Variants in PXDNL observed in about 807,000 individuals in gnomAD.
PXDNL encodes peroxidasin like, also known as probable oxidoreductase PXDNL.
Under a neutral mutation model 150.8 loss-of-function variants are expected in PXDNL, and 145 were observed. The ratio of observed to expected loss-of-function variants is 0.96; its 90% CI spans 0.84 to 1.10. The LOEUF is 1.10. Among genes scored for constraint, PXDNL ranks in the 50% least tolerant of loss-of-function variants. PXDNL has a pLI of 0.00. For missense variants in PXDNL, 2,087 were observed against 1,873.9 expected (o/e 1.11, Z -2.10); for synonymous variants, 757 against 725.7 (o/e 1.04, Z -0.69).
chr8:51,648,826 T>C (rs527874016), intron 2 of PXDNL, among the ~76,000 whole-genome samples: 179 of 152,346 alleles, frequency 1.2e-3, no homozygotes, highest in Non-Finnish European at 2.0e-3. Context: ...AAAGCTATCA[T>C]TATGTTTATA....
chr8:51,445,657 G>A (rs1809656371), intron 12 of PXDNL, among the ~76,000 whole-genome samples: 1 of 152,172 alleles, frequency 6.6e-6, no homozygotes. Context: ...TTTGGCAACA[G>A]GGAAAAATCA....
chr8:51,568,212 C>T (rs1812864819), intron 3 of PXDNL, among the ~76,000 whole-genome samples: 1 of 151,702 alleles, frequency 6.6e-6, no homozygotes, highest in Non-Finnish European at 1.5e-5. Context: ...TATTGCTCCA[C>T]CTTCCTTTGT....
chr8:51,630,069 G>A (rs1229891438), intron 2 of PXDNL, among the ~76,000 whole-genome samples: 1 of 151,966 alleles, frequency 6.6e-6, no homozygotes, highest in African/African-American at 2.4e-5. Flanking sequence ...AAAACAACAT[G>A]GTACTGGTAC....
At chr8:51,335,353 A>T (rs1396401283) in intron 21 of PXDNL, among the ~76,000 whole-genome samples, 6 of 152,162 alleles carry the variant, frequency 3.9e-5, no homozygotes, top group Admixed American at 3.9e-4. Flanking sequence ...CTGATATAAG[A>T]TTTGGAAGGA....
At chr8:51,323,383 G>C (rs1216118323) in intron 21 of PXDNL, among the ~76,000 whole-genome samples, 1 of 152,078 alleles carries the variant, frequency 6.6e-6, no homozygotes, top group Non-Finnish European at 1.5e-5. Context: ...GGGCTTAAGT[G>C]ATCATCCCTC....
chr8:51,323,925 T>TAAAAA (rs1235257447), intron 21 of PXDNL, among the ~76,000 whole-genome samples: 1 of 71,714 alleles, frequency 1.4e-5, no homozygotes, highest in Non-Finnish European at 2.7e-5. Flanking sequence ...TCAAAAAAAA[T>TAAAAA]AAAATAAAAT....
intron 8 of PXDNL, among the ~76,000 whole-genome samples, chr8:51,462,871 A>G (rs1810114699): frequency 6.6e-6 from 1 of 152,138 alleles, no homozygotes; most frequent in Non-Finnish European, 1.5e-5. Context: ...CAACATGAAA[A>G]AAAAACCTAA....
chr8:51,597,177 T>C (rs919685153), intron 2 of PXDNL, among the ~76,000 whole-genome samples: 4 of 152,178 alleles, frequency 2.6e-5, no homozygotes, highest in Non-Finnish European at 5.9e-5. Context: ...TCCCCATTGC[T>C]TGTTTATGTC....
intron 19 of PXDNL, among the ~76,000 whole-genome samples, chr8:51,351,662 C>A (rs1312763898): frequency 6.6e-6 from 1 of 152,140 alleles, no homozygotes; most frequent in East Asian, 1.9e-4. Context: ...TGCAGGACTC[C>A]TGGCACAGGT....
intron 8 of PXDNL, among the ~76,000 whole-genome samples, chr8:51,461,690 C>T (rs1940119175): frequency 6.6e-6 from 1 of 152,236 alleles, no homozygotes; most frequent in African/African-American, 2.4e-5. Flanking sequence ...TATCCTTTGG[C>T]TCGGGTTTCC....
chr8:51,657,273 A>G (rs1815171001), intron 1 of PXDNL, among the ~76,000 whole-genome samples: 1 of 152,240 alleles, frequency 6.6e-6, no homozygotes. Context: ...CACCATTGTA[A>G]GTCAACAACT....
intron 2 of PXDNL, among the ~76,000 whole-genome samples, chr8:51,614,642 A>T (rs906200673): frequency 1.3e-5 from 2 of 152,198 alleles, no homozygotes; most frequent in Non-Finnish European, 2.9e-5. Context: ...TATTATAGAG[A>T]TCAACTTATA....
chr8:51,534,906 G>C (rs1332228412), intron 4 of PXDNL, among the ~76,000 whole-genome samples: 6 of 103,806 alleles, frequency 5.8e-5, no homozygotes, highest in Non-Finnish European at 8.8e-5. Flanking sequence ...GCCTCTGCCC[G>C]GCCGCCCCTA....
At chr8:51,630,307 T>C (rs1814463148) in intron 2 of PXDNL, among the ~76,000 whole-genome samples, 1 of 152,084 alleles carries the variant, frequency 6.6e-6, no homozygotes, top group South Asian at 2.1e-4. Flanking sequence ...AACACTGAAA[T>C]GTAACATGTA....
At chr8:51,340,079 C>T (rs545984153) in intron 20 of PXDNL, 195 of 163,664 alleles carry the variant, frequency 1.2e-3, no homozygotes, top group African/African-American at 4.4e-3. Flanking sequence ...CTTTTGCTAA[C>T]GAATTCTTCA....
intron 1 of PXDNL, among the ~76,000 whole-genome samples, chr8:51,687,088 G>A (rs1052441252): frequency 3.3e-5 from 5 of 152,132 alleles, no homozygotes; most frequent in African/African-American, 1.2e-4. Flanking sequence ...GATAAGATGT[G>A]ATATGACATG....
At chr8:51,360,257 A>C (rs1449262477) in intron 19 of PXDNL, among the ~76,000 whole-genome samples, 3 of 152,176 alleles carry the variant, frequency 2.0e-5, no homozygotes, top group Non-Finnish European at 4.4e-5. Flanking sequence ...CCATATGTGT[A>C]CACATCTATG....
At chr8:51,557,277 T>A (rs1812619650) in intron 3 of PXDNL, among the ~76,000 whole-genome samples, 1 of 152,126 alleles carries the variant, frequency 6.6e-6, no homozygotes, top group African/African-American at 2.4e-5. Flanking sequence ...CAACTGGTAG[T>A]TATAAAACTG....
chr8:51,729,378 G>A (rs1047547166), intron 1 of PXDNL, among the ~76,000 whole-genome samples: 1 of 152,120 alleles, frequency 6.6e-6, no homozygotes. Context: ...ATATACAGAT[G>A]AGAAATAAGC....
Sources: gnomAD v4.1 joint callset for allele counts (sites outside exome capture counted in the v4.1 genomes callset) on GRCh38, gnomAD v4.1.1 for gene constraint, MANE v1.5 for transcripts, NCBI Gene and HGNC (gene_info 2026-07-23, HGNC 2026-07-21) for gene names.